Variants in LRP1B observed in about 807,000 individuals in gnomAD.
LRP1B encodes the protein LDL receptor related protein 1B, also known as low-density lipoprotein receptor-related protein 1B.
In LRP1B, 217 loss-of-function variants were observed where a neutral mutation model predicts 556.6. The observed-to-expected ratio is 0.39, with a 90% CI of 0.35 to 0.44. LRP1B has a LOEUF of 0.44. Among genes scored for constraint, LRP1B ranks in the 20% least tolerant of loss-of-function variants. The probability of loss-of-function intolerance (pLI) is 1.00; values close to 1 mark genes in which losing one functional copy is unlikely to be tolerated. For missense variants in LRP1B, 5,053 were observed against 5,620.8 expected (o/e 0.90, Z 3.23); for synonymous variants, 2,047 against 1,865.8 (o/e 1.10, Z -2.50).
At chr2:140,263,469 C>T (rs1176249069) in intron 86 of LRP1B, among the ~76,000 whole-genome samples, 1 of 152,054 alleles carries the variant, frequency 6.6e-6, no homozygotes, top group Non-Finnish European at 1.5e-5. Flanking sequence ...TTCAACATGG[C>T]GAGGCTGAGA....
intron 31 of LRP1B, among the ~76,000 whole-genome samples, chr2:140,833,610 G>T (rs1043197465): frequency 2.6e-5 from 4 of 152,128 alleles, no homozygotes; most frequent in African/African-American, 9.7e-5. Context: ...AGCCTATGGT[G>T]AAATTGTTTT....
At chr2:141,546,193 G>T (rs1307853633) in intron 2 of LRP1B, among the ~76,000 whole-genome samples, 1 of 152,022 alleles carries the variant, frequency 6.6e-6, no homozygotes, top group Non-Finnish European at 1.5e-5. Context: ...TCAAGTTTTT[G>T]ATCACTTGCA....
At chr2:140,850,749 C>T (rs1692432915) in intron 28 of LRP1B, among the ~76,000 whole-genome samples, 1 of 152,114 alleles carries the variant, frequency 6.6e-6, no homozygotes, top group Non-Finnish European at 1.5e-5. Context: ...TAAAATTAAA[C>T]ACGCTATTAG....
intron 41 of LRP1B, among the ~76,000 whole-genome samples, chr2:140,613,367 A>C (rs1055179883): frequency 7.7e-6 from 1 of 130,668 alleles, no homozygotes; most frequent in Admixed American, 8.9e-5. Context: ...TTATATAAAT[A>C]TAAATATATA....
At chr2:141,336,062 C>A (rs1687836428) in intron 3 of LRP1B, among the ~76,000 whole-genome samples, 1 of 130,670 alleles carries the variant, frequency 7.7e-6, no homozygotes, top group Non-Finnish European at 1.6e-5. Context: ...TGATGAAAGC[C>A]TCAGAAGACC....
At chr2:141,486,162 G>A (rs1485876228) in intron 2 of LRP1B, among the ~76,000 whole-genome samples, 2 of 152,096 alleles carry the variant, frequency 1.3e-5, no homozygotes, top group African/African-American at 2.4e-5. Flanking sequence ...AATTGAAAAT[G>A]TAATAACTTA....
At chr2:141,371,475 T>C (rs914440140) in intron 3 of LRP1B, among the ~76,000 whole-genome samples, 1 of 152,122 alleles carries the variant, frequency 6.6e-6, no homozygotes, top group Non-Finnish European at 1.5e-5. Context: ...AATATGGTTA[T>C]TTTAACAATA....
chr2:141,216,544 G>A (rs1682822695), intron 6 of LRP1B, among the ~76,000 whole-genome samples: 2 of 152,090 alleles, frequency 1.3e-5, no homozygotes, highest in South Asian at 4.1e-4. Context: ...TCATACCCCA[G>A]AATGAGAGAG....
At chr2:141,712,199 C>T (rs946084295) in intron 2 of LRP1B, among the ~76,000 whole-genome samples, 51 of 150,988 alleles carry the variant, frequency 3.4e-4, no homozygotes, top group African/African-American at 1.2e-3. Flanking sequence ...TAATGTAATG[C>T]CAATTGGAAC....
chr2:140,994,779 ATG>A (rs1388765908), intron 15 of LRP1B, among the ~76,000 whole-genome samples: 2 of 152,226 alleles, frequency 1.3e-5, no homozygotes, highest in Admixed American at 6.6e-5. Flanking sequence ...ATTCAAAAAT[ATG>A]TGATACTCAT....
At chr2:140,655,258 TG>T (rs1371469841) in intron 41 of LRP1B, among the ~76,000 whole-genome samples, 1 of 152,132 alleles carries the variant, frequency 6.6e-6, no homozygotes, top group Non-Finnish European at 1.5e-5. Flanking sequence ...TAAAGTACAG[TG>T]GTGACTTCCA....
At chr2:140,687,420 T>A (rs1686086881) in intron 41 of LRP1B, among the ~76,000 whole-genome samples, 1 of 152,212 alleles carries the variant, frequency 6.6e-6, no homozygotes, top group South Asian at 2.1e-4. Flanking sequence ...CCACATAGTA[T>A]GCTATCCTAG....
intron 18 of LRP1B, among the ~76,000 whole-genome samples, chr2:140,975,575 T>C (rs1696571045): frequency 6.6e-6 from 1 of 152,130 alleles, no homozygotes; most frequent in Admixed American, 6.6e-5. Flanking sequence ...AGATATAATA[T>C]TGGTGTTTCA....
chr2:141,479,481 A>G (rs1682836206), intron 3 of LRP1B, among the ~76,000 whole-genome samples: 1 of 152,080 alleles, frequency 6.6e-6, no homozygotes. Flanking sequence ...TGTTATCTCC[A>G]GTTTCCTCTC....
chr2:141,164,589 A>G (rs1475464735), intron 7 of LRP1B, among the ~76,000 whole-genome samples: 2 of 152,164 alleles, frequency 1.3e-5, no homozygotes, highest in Non-Finnish European at 1.5e-5. Flanking sequence ...CAGGGTATCA[A>G]ATTAGATTCA....
Position 140,733,344 on chromosome 2 carries a change from T to A in LRP1B, c.5759-16528A>T, listed in dbSNP as rs181329937. On this transcript the variant is annotated intron_variant, in intron 35 of 90. Transcript: ENST00000389484. ...CTCTAGAGATGTCTAAGTGCTCAAT[T>A]TGTATGAAAATTGATTATCAGACCC... Among the ~76,000 whole-genome samples the A allele has an allele frequency of 1.4e-3, 211 of 152,274 alleles. 1 individual carries two copies. The highest frequency in any genetic ancestry group is 2.7e-3 in the Non-Finnish European group (181 of 67,998).
At chr2:141,720,541 C>T (rs556164651) in intron 2 of LRP1B, among the ~76,000 whole-genome samples, 14 of 152,188 alleles carry the variant, frequency 9.2e-5, no homozygotes, top group African/African-American at 2.9e-4. Flanking sequence ...CATCAGAAGA[C>T]TCTTCAGTAT....
At chr2:140,883,786 A>G in intron 25 of LRP1B, 31 bp downstream of exon 25, 3 of 1,579,278 alleles carry the variant, frequency 1.9e-6, no homozygotes, top group East Asian at 2.2e-5. Flanking sequence ...TTTTATGCCA[A>G]AATCAATCTA....
At chr2:140,970,524 G>A (rs574090095) in intron 18 of LRP1B, among the ~76,000 whole-genome samples, 13 of 151,784 alleles carry the variant, frequency 8.6e-5, no homozygotes, top group African/African-American at 1.2e-4. Flanking sequence ...TTCTCAACTC[G>A]TCAGTCATTC....
Sources: allele counts gnomAD v4.1 joint callset (sites outside exome capture counted in the v4.1 genomes callset), GRCh38; gene constraint gnomAD v4.1.1; transcripts MANE v1.5; gene names NCBI Gene and HGNC (gene_info 2026-07-23, HGNC 2026-07-21).